Variants in ARCN1 observed in about 807,000 individuals in gnomAD.
ARCN1 encodes coatomer subunit delta.
Under a neutral mutation model 60.4 loss-of-function variants are expected in ARCN1, and 5 were observed. The ratio of observed to expected loss-of-function variants is 0.08; its 90% CI spans 0.04 to 0.17. ARCN1 has a LOEUF of 0.17. Among genes scored for constraint, ARCN1 ranks in the 10% least tolerant of loss-of-function variants. ARCN1 has a pLI of 1.00. For missense variants in ARCN1, 464 were observed against 626.5 expected (o/e 0.74, Z 2.77); for synonymous variants, 224 against 220.0 (o/e 1.02, Z -0.16).
intron 5 of ARCN1, among the ~76,000 whole-genome samples, chr11:118,589,464 C>G (rs1463211312): frequency 2.0e-5 from 3 of 152,192 alleles, no homozygotes; most frequent in African/African-American, 7.2e-5. Flanking sequence ...GAGTCTCACT[C>G]TGTTGCCCAG....
In ARCN1 at chr11:118,600,728, G is replaced by A. The variant is rs782448955; in HGVS notation, c.*14G>A. 2 of 1,554,088 alleles carry A rather than the reference G, an allele frequency of 1.3e-6. No individual in the cohort carries two copies. The highest frequency in any genetic ancestry group is 1.2e-5 in the South Asian group (1 of 85,058). ...GAAATTCTGTAATACCAAGAAGAGG[G>A]AGCTGAAAAGGAAAATTTTCAGATT... On this transcript the variant is annotated 3_prime_UTR_variant, in exon 10 of 10. Transcript: ENST00000264028.
At position 118,572,463 on chromosome 11, in the gene ARCN1, G is replaced by T; in HGVS notation, c.-85G>T. 4.0e-6 allele frequency: 6 copies of T among 1,495,182 alleles called. No homozygotes were observed. The South Asian group carries it at 5.9e-5, about 15-fold the overall frequency. 92.6% of individuals were successfully genotyped at this position (1,495,182 alleles called of 1,614,324 possible). On this transcript the variant is annotated 5_prime_UTR_variant, in exon 1 of 10. Transcript: ENST00000264028. ...TCCTGTCAAGGGGGCAGCAGGTCCAGAGCTGCTGGTGCTCCCGTTCCCCAG... is the reference window on the plus strand; with the variant it reads ...TCCTGTCAAGGGGGCAGCAGGTCCATAGCTGCTGGTGCTCCCGTTCCCCAG...
rs1290458767 is a variant in ARCN1, at chr11:118,602,842, AC to A, written c.*2131del. 1 of 153,710 alleles carries A rather than the reference AC, an allele frequency of 6.5e-6. No individual in the cohort carries two copies. Among genetic ancestry groups the A allele is most frequent in the Non-Finnish European group, 1.5e-5 (1 of 68,040 alleles). The allele number at this position is 153,710 out of a possible 1,614,324, so 9.5% of individuals were successfully genotyped here. ...TATTTAAAATGAGAGACATTTTGTAACCCTGTAAAATACATAGGGAATATAA... is the reference window on the plus strand; with the variant it reads ...TATTTAAAATGAGAGACATTTTGTAACCTGTAAAATACATAGGGAATATAA... On this transcript the variant is annotated 3_prime_UTR_variant, in exon 10 of 10. Transcript: ENST00000264028.
intron 1 of ARCN1, chr11:118,573,840 A>G (rs950879298): frequency 3.4e-4 from 171 of 502,106 alleles, no homozygotes; most frequent in Admixed American, 6.5e-4. Context: ...TGGACACAAA[A>G]TTTCCAGAAA....
intron 5 of ARCN1, among the ~76,000 whole-genome samples, chr11:118,586,384 A>G (rs1340112144): frequency 6.6e-6 from 1 of 152,220 alleles, no homozygotes; most frequent in Admixed American, 6.5e-5. Flanking sequence ...GGCGTGAGCC[A>G]CCGTGCCCAG....
chr11:118,584,982 C>G (rs574374282), intron 5 of ARCN1, among the ~76,000 whole-genome samples: 1 of 151,858 alleles, frequency 6.6e-6, no homozygotes, highest in Non-Finnish European at 1.5e-5. Context: ...CCCACCCCTA[C>G]GCCCGGCTAA....
In ARCN1 at chr11:118,584,662, G is replaced by T; in HGVS notation, c.818+18G>T. The T allele has an allele frequency of 6.4e-7, 1 of 1,574,768 alleles. No individual in the cohort carries two copies. The highest frequency in any genetic ancestry group is 8.6e-7 in the Non-Finnish European group (1 of 1,164,266). ...ATGGAAAGGTAAGTAGGAACTTTGA[G>T]TAAGAATTCAAGCTTTGAATACAGT... is the stretch of plus-strand genomic sequence containing the variant. On this transcript the variant is annotated intron_variant, in intron 5 of 9. Coordinates refer to ENST00000264028, the MANE Select transcript of ARCN1 (RefSeq NM_001655.5).
intron 1 of ARCN1, chr11:118,572,980 C>G (rs1555072719): frequency 5.1e-6 from 1 of 196,894 alleles, no homozygotes; most frequent in African/African-American, 2.3e-5. Context: ...CAGAGCTTGT[C>G]TCCCACCCCC....
chr11:118,583,761 C>T (rs1345861190), intron 3 of ARCN1, 48 bp from the exon 4 acceptor site: 60 of 1,589,748 alleles, frequency 3.8e-5, no homozygotes, highest in Non-Finnish European at 5.0e-5. Context: ...CCTGTCTCAA[C>T]AAAAACCCAA....
At chr11:118,587,074 G>A (rs1938795593) in intron 5 of ARCN1, among the ~76,000 whole-genome samples, 1 of 152,090 alleles carries the variant, frequency 6.6e-6, no homozygotes, top group Non-Finnish European at 1.5e-5. Context: ...GAACATGGTA[G>A]GATAACAAAA....
chr11:118,600,855 G>T lies in ARCN1; in HGVS notation c.*141G>T. 1.8e-6 allele frequency: 1 copy of T among 549,260 alleles called. No homozygotes were observed. The highest frequency in any genetic ancestry group is 3.2e-6 in the Non-Finnish European group (1 of 311,386). The allele number at this position is 549,260 out of a possible 1,614,324, so 34.0% of individuals were successfully genotyped here. A position where few individuals can be genotyped will look rare whatever the true frequency, so the allele number is the denominator to read the frequency against. On this transcript the variant is annotated 3_prime_UTR_variant, in exon 10 of 10. Transcript: ENST00000264028. ...CAATGCACGATTCTCTGCGCGCAAG[G>T]ACCCTCGACTCACCCCCATGTTTCA...
chr11:118,576,358 AC>A (rs1555073573), intron 1 of ARCN1, among the ~76,000 whole-genome samples: 1 of 148,000 alleles, frequency 6.8e-6, no homozygotes, highest in Non-Finnish European at 1.5e-5. Flanking sequence ...CTCAGTTTTC[AC>A]ATCTGTAAGA....
rs782225824 is a variant in ARCN1, at chr11:118,583,370, C to A, written c.447+12C>A. On this transcript the variant is annotated intron_variant, in intron 3 of 9. Coordinates refer to ENST00000264028, the MANE Select transcript of ARCN1 (RefSeq NM_001655.5). ...GAGCCGTCAGAGAGGTAAATAGGATCTTCTCTGGGACTACCTGTTTGTATG... is the reference window on the plus strand; with the variant it reads ...GAGCCGTCAGAGAGGTAAATAGGATATTCTCTGGGACTACCTGTTTGTATG... 18 of 1,599,420 alleles carry A rather than the reference C, an allele frequency of 1.1e-5. No individual in the cohort carries two copies. The highest frequency in any genetic ancestry group is 6.0e-6 in the Non-Finnish European group (7 of 1,173,840).
rs1434834240 is a variant in ARCN1 at position 118,598,030 on chromosome 11, A to G, written c.1446+119A>G. 1.3e-5 allele frequency: 12 copies of G among 889,730 alleles called. No homozygotes were observed. The African/African-American group carries it at 1.9e-4, about 14-fold the overall frequency. The allele number at this position is 889,730 out of a possible 1,614,324, so 55.1% of individuals were successfully genotyped here. On this transcript the variant is annotated intron_variant, in intron 9 of 9. Transcript: ENST00000264028. ...TCAGATAAAGCTCAGAAAAAAACTG[A>G]TGTCTCCTACAGGAATTCCCTTTCT...
At chr11:118,581,937 G>GACAGACACACACACACAC (rs1555074708) in intron 2 of ARCN1, among the ~76,000 whole-genome samples, 206 of 140,802 alleles carry the variant, frequency 1.5e-3, no homozygotes, top group African/African-American at 5.0e-3. Flanking sequence ...CAGACAGACA[G>GACAGACACACACACACAC]ACACACACAC....
chr11:118,593,327 C>T (rs1380192976), intron 7 of ARCN1, among the ~76,000 whole-genome samples: 2 of 151,496 alleles, frequency 1.3e-5, no homozygotes, highest in Middle Eastern at 3.2e-3. Context: ...CTCCTGGGTT[C>T]AGCTGATCTC....
chr11:118,584,756 G>A, intron 5 of ARCN1, 112 bp downstream of exon 5: 1 of 986,632 alleles, frequency 1.0e-6, no homozygotes, highest in Non-Finnish European at 1.4e-6. Context: ...AATCGTTCCT[G>A]ATTTAAAAGA....
intron 5 of ARCN1, among the ~76,000 whole-genome samples, chr11:118,589,786 A>G (rs1389946927): frequency 2.0e-5 from 3 of 152,176 alleles, no homozygotes; most frequent in African/African-American, 4.8e-5. Context: ...ATTACAAACA[A>G]TTCTTCAGTG....
intron 5 of ARCN1, 34 bp from the exon 6 acceptor site, chr11:118,590,307 C>T: frequency 6.3e-7 from 1 of 1,588,338 alleles, no homozygotes. Context: ...TGGTTTCTAC[C>T]TTTCTGAACA....
Sources: allele counts gnomAD v4.1 joint callset (sites outside exome capture counted in the v4.1 genomes callset), GRCh38; gene constraint gnomAD v4.1.1; transcripts MANE v1.5; gene names NCBI Gene and HGNC (gene_info 2026-07-23, HGNC 2026-07-21).